CGNL1: variants seen among roughly 807,000 people sequenced by gnomAD.
CGNL1 encodes the protein cingulin like 1.
A neutral mutation model predicts 141.2 loss-of-function variants in CGNL1; 132 were observed. The ratio of observed to expected loss-of-function variants is 0.93; its 90% CI spans 0.81 to 1.08. CGNL1 has a LOEUF of 1.08. Ranked by LOEUF, CGNL1 falls within the 50% of genes least tolerant of loss-of-function variation. The probability of loss-of-function intolerance (pLI) is 0.00; values close to 1 mark genes in which losing one functional copy is unlikely to be tolerated. For missense variants in CGNL1, 1,870 were observed against 1,588.6 expected, an observed-to-expected ratio of 1.18 and a Z score of -3.01; for synonymous variants, 690 against 622.1, an observed-to-expected ratio of 1.11 and a Z score of -1.63.
At chr15:57,543,361 C>G (rs1041734201) in intron 14 of CGNL1, among the ~76,000 whole-genome samples, 1 of 152,150 alleles carries the variant, frequency 6.6e-6, no homozygotes, top group Non-Finnish European at 1.5e-5. Flanking sequence ...AACTTGATTA[C>G]CTCTCTAAAG....
chr15:57,542,142 A>T (rs974254472), intron 14 of CGNL1, among the ~76,000 whole-genome samples: 1 of 152,128 alleles, frequency 6.6e-6, no homozygotes, highest in African/African-American at 2.4e-5. Flanking sequence ...CTTGCTCTCC[A>T]TGGGGGACAG....
intron 7 of CGNL1, among the ~76,000 whole-genome samples, chr15:57,454,447 T>C (rs2063355800): frequency 6.6e-6 from 1 of 152,206 alleles, no homozygotes; most frequent in Non-Finnish European, 1.5e-5. Context: ...GGAACACTCT[T>C]TAAGTCTCAG....
At chr15:57,499,272 G>A (rs1373150836) in intron 8 of CGNL1, among the ~76,000 whole-genome samples, 3 of 133,674 alleles carry the variant, frequency 2.2e-5, no homozygotes, top group Non-Finnish European at 4.6e-5. Flanking sequence ...TGGAGACGGA[G>A]TCTCACTGTG....
At chr15:57,454,617 T>G (rs17820305) in intron 7 of CGNL1, among the ~76,000 whole-genome samples, 31,309 of 152,122 alleles carry the variant, frequency 0.21, 3,352 homozygotes, top group Non-Finnish European at 0.24. Context: ...GGAGTTCTCA[T>G]GAATCCATTT....
chr15:57,456,782 A>G (rs1425978472), intron 7 of CGNL1, among the ~76,000 whole-genome samples: 1 of 152,192 alleles, frequency 6.6e-6, no homozygotes, highest in Non-Finnish European at 1.5e-5. Context: ...TAATTATCAA[A>G]TGTCTGCTTT....
intron 9 of CGNL1, among the ~76,000 whole-genome samples, chr15:57,517,595 G>A (rs1253377730): frequency 6.6e-6 from 1 of 152,236 alleles, no homozygotes. Flanking sequence ...TCTGGAGGCT[G>A]AGAAGTCTAA....
chr15:57,508,578 G>T (rs1324359728), intron 8 of CGNL1, among the ~76,000 whole-genome samples: 1 of 152,238 alleles, frequency 6.6e-6, no homozygotes. Flanking sequence ...CAGAAGGAAG[G>T]TTGCAATGTG....
intron 4 of CGNL1, among the ~76,000 whole-genome samples, chr15:57,451,161 A>G (rs1265986739): frequency 1.3e-5 from 2 of 152,230 alleles, no homozygotes; most frequent in Non-Finnish European, 2.9e-5. Flanking sequence ...TTGCTATTTT[A>G]TAATATTCTA....
intron 8 of CGNL1, among the ~76,000 whole-genome samples, chr15:57,470,256 C>CTTTTTTTTTTTTTTTTTTTT (rs60982599): frequency 1.8e-5 from 2 of 113,996 alleles, no homozygotes; most frequent in East Asian, 2.7e-4. Flanking sequence ...TTTTGTCTCT[C>CTTTTTTTTTTTTTTTTTTTT]TTTTTTTTTT....
intron 3 of CGNL1, among the ~76,000 whole-genome samples, 170 bp from the exon 4 acceptor site, chr15:57,442,203 A>AAAAAAAAAAAAAC (rs368700180): frequency 7.3e-6 from 1 of 136,604 alleles, no homozygotes; most frequent in Non-Finnish European, 1.6e-5. Flanking sequence ...AAAAAAAAAA[A>AAAAAAAAAAAAAC]GACACCATCC....
chr15:57,377,667 A>G (rs1377754301), intron 1 of CGNL1, among the ~76,000 whole-genome samples: 2 of 151,892 alleles, frequency 1.3e-5, no homozygotes, highest in Non-Finnish European at 2.9e-5. Context: ...CTTTGTTTCT[A>G]CCTCTCTGTT....
At position 57,489,665 on chromosome 15, in the gene CGNL1, C is replaced by A. The variant is rs148019404; in HGVS notation, c.2404-27115C>A. On this transcript the variant is annotated intron_variant, in intron 8 of 18. Coordinates refer to ENST00000281282, the MANE Select transcript of CGNL1 (RefSeq NM_032866.5). ...GTCCCATCACTGTTGGTTGAAGAGA[C>A]GATTCTTGCCTCATTGAATTGTCTT... Among the ~76,000 whole-genome samples the A allele has an allele frequency of 9.7e-4, 148 of 152,292 alleles. No individual in the cohort carries two copies. The East Asian group carries it at 0.025, about 26-fold the overall frequency.
chr15:57,512,916 C>G (rs182648321), intron 8 of CGNL1, among the ~76,000 whole-genome samples: 2 of 151,884 alleles, frequency 1.3e-5, no homozygotes, highest in East Asian at 3.9e-4. Flanking sequence ...CATCCCTACT[C>G]CAGCCCCAGG....
rs869209788 is a variant in CGNL1, at chr15:57,383,627, TTTTC to T, written c.-16+7064_-16+7067del. The stretch of plus-strand genomic sequence containing the variant: ...TTTTCTTTTCTTTTCTTTTCTTTTC[TTTTC>T]TTTTTTTTTTTGAGATAATCTCACT... On this transcript the variant is annotated intron_variant, in intron 1 of 18. Transcript: ENST00000281282. Among the ~76,000 whole-genome samples, 265 of 65,958 alleles carry T rather than the reference TTTTC, an allele frequency of 4.0e-3. 1 individual carries two copies. Among genetic ancestry groups the T allele is most frequent in the Middle Eastern group, 8.1e-3 (1 of 124 alleles). The allele number at this position is 65,958 out of a possible 152,430, so 43.3% of individuals were successfully genotyped here. A position where few individuals can be genotyped will look rare whatever the true frequency, so the allele number is the denominator to read the frequency against.
chr15:57,494,949 C>G lies in CGNL1; in HGVS notation c.2404-21831C>G, dbSNP rs571180996. ...TGCATGCAGTAGCTTTCTCATTGCT[C>G]CTGTCTTAGGGATTTATCACTCATT... On this transcript the variant is annotated intron_variant, in intron 8 of 18. Coordinates refer to ENST00000281282, the MANE Select transcript of CGNL1 (RefSeq NM_032866.5). 2.0e-5 allele frequency among the ~76,000 whole-genome samples: 3 copies of G among 152,264 alleles called. No individual in the cohort carries two copies. The South Asian group carries it at 6.2e-4, about 32-fold the overall frequency.
intron 8 of CGNL1, among the ~76,000 whole-genome samples, chr15:57,499,971 G>A (rs568545441): frequency 1.3e-5 from 2 of 152,294 alleles, no homozygotes; most frequent in South Asian, 4.2e-4. Context: ...GCTCTGAGCT[G>A]TGTCATGGTG....
chr15:57,543,844 T>C, intron 15 of CGNL1, 65 bp downstream of exon 15: 1 of 1,249,760 alleles, frequency 8.0e-7, no homozygotes, highest in Non-Finnish European at 1.2e-6. Context: ...ACTTCACTGC[T>C]TTGAACTAGA....
intron 5 of CGNL1, 144 bp from the exon 6 acceptor site, chr15:57,451,997 C>G: frequency 3.2e-6 from 2 of 624,730 alleles, no homozygotes; most frequent in Non-Finnish European, 5.2e-6. Flanking sequence ...GTTAAGAACT[C>G]CTGTGCCTTA....
At chr15:57,538,067 C>T (rs1388828990) in intron 14 of CGNL1, among the ~76,000 whole-genome samples, 1 of 152,226 alleles carries the variant, frequency 6.6e-6, no homozygotes, top group Non-Finnish European at 1.5e-5. Context: ...ATTTGATTTA[C>T]GATATTCCCA....
Sources: gnomAD v4.1 joint callset for allele counts (sites outside exome capture counted in the v4.1 genomes callset) on GRCh38, gnomAD v4.1.1 for gene constraint, MANE v1.5 for transcripts, NCBI Gene and HGNC (gene_info 2026-07-23, HGNC 2026-07-21) for gene names.